GRAMD1B: variants seen among roughly 807,000 people sequenced by gnomAD.
GRAMD1B encodes protein Aster-B.
In GRAMD1B, 37 loss-of-function variants were observed where a neutral mutation model predicts 99.7. That is an observed-to-expected ratio of 0.37 (90% CI 0.29 to 0.49). The LOEUF (loss-of-function observed/expected upper bound fraction) is 0.49, where lower values mean the gene tolerates loss of function less well. GRAMD1B is among the 20% of genes least tolerant of loss of function. The pLI, the probability that GRAMD1B is intolerant of heterozygous loss-of-function variation, is 0.98. For missense variants in GRAMD1B, 888 were observed against 1,009.2 expected, an observed-to-expected ratio of 0.88 and a Z score of 1.63; for synonymous variants, 427 against 387.6, an observed-to-expected ratio of 1.10 and a Z score of -1.19.
intron 7 of GRAMD1B, chr11:123,598,856 T>A (rs1951606035): frequency 7.3e-7 from 1 of 1,372,738 alleles, no homozygotes; most frequent in East Asian, 2.3e-5. Context: ...GAGGCTTCAC[T>A]CTATCTGTGT....
rs1482243482 is a variant in GRAMD1B, at chr11:123,627,504, T to A, written c.*4909T>A. 1 of 151,926 alleles carries A rather than the reference T, an allele frequency of 6.6e-6. No individual in the cohort carries two copies. Among genetic ancestry groups the A allele is most frequent in the African/African-American group, 2.4e-5 (1 of 41,312 alleles). The allele number at this position is 151,926 out of a possible 1,614,324, so 9.4% of individuals were successfully genotyped here. ...GCCCCTGGATAATCCTGACGTGGGG[T>A]GGAGTGGGGTGAGGCAGAGGGAGCA... On this transcript the variant is annotated 3_prime_UTR_variant, in exon 20 of 20. Coordinates refer to ENST00000635736, the MANE Select transcript of GRAMD1B (RefSeq NM_001387025.1).
chr11:123,396,100 G>A (rs1437972652), intron 1 of GRAMD1B, among the ~76,000 whole-genome samples: 1 of 151,982 alleles, frequency 6.6e-6, no homozygotes, highest in Non-Finnish European at 1.5e-5. Context: ...CCCCCTCCTT[G>A]CTACTCCTTG....
chr11:123,549,697 T>C (rs1412456602), intron 2 of GRAMD1B, among the ~76,000 whole-genome samples: 1 of 152,184 alleles, frequency 6.6e-6, no homozygotes, highest in Non-Finnish European at 1.5e-5. Context: ...TGTCATGCCA[T>C]CTGAGTGCTC....
chr11:123,449,714 C>T (rs78626149), intron 1 of GRAMD1B, among the ~76,000 whole-genome samples: 82 of 99,954 alleles, frequency 8.2e-4, no homozygotes, highest in African/African-American at 1.1e-3. Flanking sequence ...CCATGCCTGG[C>T]TTTTTTTTTT....
At chr11:123,585,545 G>A (rs1403552329) in intron 4 of GRAMD1B, among the ~76,000 whole-genome samples, 1 of 152,160 alleles carries the variant, frequency 6.6e-6, no homozygotes, top group Non-Finnish European at 1.5e-5. Context: ...GAGGTATCTT[G>A]GGGTGGGAGA....
chr11:123,379,146 C>T (rs559757031), intron 1 of GRAMD1B, among the ~76,000 whole-genome samples: 2 of 152,244 alleles, frequency 1.3e-5, no homozygotes, highest in South Asian at 2.1e-4. Context: ...CCCAAATTCT[C>T]GCTTACTGCA....
chr11:123,438,868 T>C (rs1949281913), intron 1 of GRAMD1B, among the ~76,000 whole-genome samples: 1 of 152,124 alleles, frequency 6.6e-6, no homozygotes, highest in Non-Finnish European at 1.5e-5. Context: ...AAGCTGCCAG[T>C]GGGGAATTTT....
chr11:123,403,424 T>C (rs187898001), intron 1 of GRAMD1B, among the ~76,000 whole-genome samples: 337 of 143,226 alleles, frequency 2.4e-3, no homozygotes, highest in African/African-American at 6.3e-3. Flanking sequence ...CTAAACTCAG[T>C]CTCAAAATAA....
intron 1 of GRAMD1B, among the ~76,000 whole-genome samples, chr11:123,373,692 G>A (rs1274655673): frequency 6.6e-6 from 1 of 152,172 alleles, no homozygotes; most frequent in East Asian, 1.9e-4. Flanking sequence ...ACAAGAAATT[G>A]AATAGGAACC....
chr11:123,536,209 G>A (rs1476511687), intron 2 of GRAMD1B, among the ~76,000 whole-genome samples: 1 of 152,172 alleles, frequency 6.6e-6, no homozygotes, highest in East Asian at 1.9e-4. Flanking sequence ...GAGGCCAGGA[G>A]TTTAAGACCA....
At chr11:123,483,179 A>G (rs887368324) in intron 2 of GRAMD1B, among the ~76,000 whole-genome samples, 3 of 152,196 alleles carry the variant, frequency 2.0e-5, no homozygotes, top group Admixed American at 2.0e-4. Context: ...GCACTCTTCC[A>G]TGATAGAGCT....
chr11:123,578,461 CTCCCCTCTAGTGTCGA>C, intron 3 of GRAMD1B: 1 of 1,487,294 alleles, frequency 6.7e-7, no homozygotes, highest in Non-Finnish European at 9.1e-7. Context: ...GTCCTTTTAT[CTCCCCTCTAGTGTCGA>C]TCTGTCTGTA....
chr11:123,407,474 G>A (rs1947894580), intron 1 of GRAMD1B, among the ~76,000 whole-genome samples: 1 of 152,186 alleles, frequency 6.6e-6, no homozygotes, highest in Admixed American at 6.5e-5. Context: ...GGTGAAACCT[G>A]CAGGCTCTTG....
At position 123,508,420 on chromosome 11, in the gene GRAMD1B, A is replaced by G. The variant is rs141595924; in HGVS notation, c.452+27527A>G. On this transcript the variant is annotated intron_variant, in intron 2 of 19. Transcript: ENST00000635736. ...TAAAGGTTCCACCTCTTAATACTATACTGTTACAGTGACCATTAAATTTCA... is the reference window on the plus strand; with the variant it reads ...TAAAGGTTCCACCTCTTAATACTATGCTGTTACAGTGACCATTAAATTTCA... Among the ~76,000 whole-genome samples, 236 of 152,314 alleles carry G rather than the reference A, an allele frequency of 1.5e-3. 2 individuals carry two copies. The highest frequency in any genetic ancestry group is 5.4e-3 in the African/African-American group (223 of 41,576).
chr11:123,615,147 AT>A (rs1220377585), intron 17 of GRAMD1B, among the ~76,000 whole-genome samples: 1 of 152,228 alleles, frequency 6.6e-6, no homozygotes, highest in Non-Finnish European at 1.5e-5. Context: ...TCCTGCACAG[AT>A]GGTTAAATGC....
At chr11:123,526,896 T>C (rs185419817) in intron 2 of GRAMD1B, among the ~76,000 whole-genome samples, 14 of 152,348 alleles carry the variant, frequency 9.2e-5, no homozygotes, top group Non-Finnish European at 1.8e-4. Flanking sequence ...CTCTCTCTGT[T>C]TTTTGACCCA....
chr11:123,491,954 A>C, intron 2 of GRAMD1B: 1 of 399,300 alleles, frequency 2.5e-6, no homozygotes, highest in Non-Finnish European at 4.4e-6. Flanking sequence ...CCTTTCTGCG[A>C]GCCAAGTAGG....
At chr11:123,513,564 C>A (rs1941279807) in intron 2 of GRAMD1B, among the ~76,000 whole-genome samples, 1 of 117,206 alleles carries the variant, frequency 8.5e-6, no homozygotes, top group Non-Finnish European at 1.7e-5. Context: ...TTCCTTCCTT[C>A]CTTCCTTCCT....
chr11:123,443,342 C>T (rs1949495116), intron 1 of GRAMD1B, among the ~76,000 whole-genome samples: 1 of 152,070 alleles, frequency 6.6e-6, no homozygotes, highest in Non-Finnish European at 1.5e-5. Flanking sequence ...TATTCTGAGC[C>T]AAATACAAGT....
Sources: gnomAD v4.1 joint callset for allele counts (sites outside exome capture counted in the v4.1 genomes callset) on GRCh38, gnomAD v4.1.1 for gene constraint, MANE v1.5 for transcripts, NCBI Gene and HGNC (gene_info 2026-07-23, HGNC 2026-07-21) for gene names.